Variants in CAMKMT observed in about 807,000 individuals in gnomAD.
The protein encoded by CAMKMT is calmodulin-lysine N-methyltransferase, also known as CaM KMT.
A neutral mutation model predicts 48.0 loss-of-function variants in CAMKMT; 53 were observed. The observed-to-expected ratio is 1.10, with a 90% CI of 0.89 to 1.39. The LOEUF is 1.39. Among genes scored for constraint, CAMKMT ranks in the 40% most tolerant of loss-of-function variants. The probability of loss-of-function intolerance (pLI) is 0.00; values close to 1 mark genes in which losing one functional copy is unlikely to be tolerated. For missense variants in CAMKMT, 428 were observed against 402.7 expected, an observed-to-expected ratio of 1.06 and a Z score of -0.54; for synonymous variants, 165 against 152.3, an observed-to-expected ratio of 1.08 and a Z score of -0.61.
chr2:44,402,481 A>C (rs1017139636), intron 3 of CAMKMT, among the ~76,000 whole-genome samples: 1 of 151,908 alleles, frequency 6.6e-6, no homozygotes, highest in African/African-American at 2.4e-5. Context: ...TGTTGATTGA[A>C]TCTTCTGTTA....
intron 3 of CAMKMT, among the ~76,000 whole-genome samples, chr2:44,609,866 G>A (rs1671503344): frequency 6.6e-6 from 1 of 152,134 alleles, no homozygotes; most frequent in Non-Finnish European, 1.5e-5. Context: ...GCTACTGATG[G>A]AATTACAAAA....
chr2:44,612,622 A>C lies in CAMKMT; in HGVS notation c.377-91661A>C, dbSNP rs868135488. On this transcript the variant is annotated intron_variant, in intron 3 of 10. Coordinates refer to ENST00000378494, the MANE Select transcript of CAMKMT (RefSeq NM_024766.5). ...CAATACTTTATTAGTTCCTATCATT[A>C]AAAGGTCCATGAATAGAAAATGGCT... is the stretch of plus-strand genomic sequence containing the variant. Among the ~76,000 whole-genome samples, 6 of 152,184 alleles carry C rather than the reference A, an allele frequency of 3.9e-5. No individual in the cohort carries two copies. In the South Asian group the frequency reaches 1.2e-3, roughly 32 times the overall value.
chr2:44,588,811 C>A (rs1489031796), intron 3 of CAMKMT, among the ~76,000 whole-genome samples: 1 of 39,028 alleles, frequency 2.6e-5, no homozygotes, highest in Non-Finnish European at 5.4e-5. Context: ...CCGCCCCGTC[C>A]GGGAGGGAGG....
At chr2:44,568,464 C>T (rs544415177) in intron 3 of CAMKMT, among the ~76,000 whole-genome samples, 2 of 152,272 alleles carry the variant, frequency 1.3e-5, no homozygotes, top group East Asian at 3.9e-4. Context: ...CAGCAAACAT[C>T]ATGTCCATGC....
intron 3 of CAMKMT, among the ~76,000 whole-genome samples, chr2:44,641,138 G>A (rs1443030204): frequency 6.6e-6 from 1 of 152,104 alleles, no homozygotes; most frequent in African/African-American, 2.4e-5. Context: ...AATCTTTCAA[G>A]TAATGGTATA....
intron 2 of CAMKMT, among the ~76,000 whole-genome samples, chr2:44,377,350 T>TTAA (rs1485626164): frequency 2.0e-5 from 3 of 152,198 alleles, no homozygotes; most frequent in Non-Finnish European, 4.4e-5. Flanking sequence ...AGGCTCTTGT[T>TTAA]ATTAGATAGA....
intron 3 of CAMKMT, among the ~76,000 whole-genome samples, chr2:44,467,464 A>G (rs1668179026): frequency 6.6e-6 from 1 of 151,474 alleles, no homozygotes; most frequent in Admixed American, 6.6e-5. Flanking sequence ...CATGGGAGGC[A>G]GAGGTTGTAG....
intron 3 of CAMKMT, among the ~76,000 whole-genome samples, chr2:44,633,762 G>C (rs143182811): frequency 6.6e-6 from 1 of 151,752 alleles, no homozygotes; most frequent in Non-Finnish European, 1.5e-5. Flanking sequence ...ATTTTCTTGA[G>C]TTTCTTTTAT....
intron 7 of CAMKMT, among the ~76,000 whole-genome samples, chr2:44,740,489 G>A (rs1283625955): frequency 6.6e-6 from 1 of 152,184 alleles, no homozygotes; most frequent in Non-Finnish European, 1.5e-5. Flanking sequence ...AAGTGAGGAG[G>A]AGGGGAATAG....
At chr2:44,397,372 A>G (rs1006010745) in intron 3 of CAMKMT, among the ~76,000 whole-genome samples, 2 of 152,230 alleles carry the variant, frequency 1.3e-5, no homozygotes, top group African/African-American at 4.8e-5. Flanking sequence ...CTGAGAGTAT[A>G]GGGGACCTGA....
chr2:44,610,762 T>C (rs1572913863), intron 3 of CAMKMT, among the ~76,000 whole-genome samples: 1 of 152,158 alleles, frequency 6.6e-6, no homozygotes, highest in African/African-American at 2.4e-5. Flanking sequence ...ATAGAACTCT[T>C]CTCCTGAAAA....
chr2:44,419,948 C>T (rs1408536655), intron 3 of CAMKMT, among the ~76,000 whole-genome samples: 2 of 152,034 alleles, frequency 1.3e-5, no homozygotes, highest in African/African-American at 4.8e-5. Context: ...TCATTAGACA[C>T]AATAGATGAT....
chr2:44,429,807 C>CAAAAAA (rs1168195679), intron 3 of CAMKMT, among the ~76,000 whole-genome samples: 7 of 64,742 alleles, frequency 1.1e-4, no homozygotes, highest in Admixed American at 4.5e-4. Context: ...GACTCCGTCT[C>CAAAAAA]AAAAAAAAAA....
chr2:44,460,808 C>T (rs1457451223), intron 3 of CAMKMT, among the ~76,000 whole-genome samples: 2 of 150,756 alleles, frequency 1.3e-5, no homozygotes, highest in African/African-American at 2.5e-5. Context: ...CTGCAACCTC[C>T]ACTTCCCAGG....
chr2:44,731,852 G>C (rs577855988), intron 7 of CAMKMT, among the ~76,000 whole-genome samples: 1 of 152,180 alleles, frequency 6.6e-6, no homozygotes, highest in Non-Finnish European at 1.5e-5. Context: ...CCTTGCGTTT[G>C]AACTCAGAGC....
chr2:44,684,429 G>C (rs80044756), intron 3 of CAMKMT, among the ~76,000 whole-genome samples: 3,425 of 151,944 alleles, frequency 0.023, 62 homozygotes, highest in Non-Finnish European at 0.033. Context: ...GTGATTCTAA[G>C]AGAAAACAAT....
intron 3 of CAMKMT, among the ~76,000 whole-genome samples, chr2:44,602,578 G>A (rs769952134): frequency 1.6e-4 from 24 of 152,104 alleles, no homozygotes; most frequent in Non-Finnish European, 2.9e-4. Context: ...AGATTTAATT[G>A]ACTCACAGTT....
At chr2:44,748,031 G>A (rs555130013) in intron 8 of CAMKMT, among the ~76,000 whole-genome samples, 1 of 152,260 alleles carries the variant, frequency 6.6e-6, no homozygotes, top group African/African-American at 2.4e-5. Flanking sequence ...AGCTACTGCT[G>A]TTCTCTCAGC....
At position 44,444,782 on chromosome 2, in the gene CAMKMT, C is replaced by T. The variant is rs140170238; in HGVS notation, c.376+54477C>T. 2.1e-3 allele frequency among the ~76,000 whole-genome samples: 317 copies of T among 152,230 alleles called. 2 individuals carry two copies. The highest frequency in any genetic ancestry group is 7.4e-3 in the African/African-American group (307 of 41,536). On this transcript the variant is annotated intron_variant, in intron 3 of 10. Coordinates refer to ENST00000378494, the MANE Select transcript of CAMKMT (RefSeq NM_024766.5). ...GGGAAGTAAGAGCATGGGAGCTAACCAACACCAAGCACCATGTACCCAAAT... is the reference window on the plus strand; with the variant it reads ...GGGAAGTAAGAGCATGGGAGCTAACTAACACCAAGCACCATGTACCCAAAT...
Sources: gnomAD v4.1 joint callset for allele counts (sites outside exome capture counted in the v4.1 genomes callset) on GRCh38, gnomAD v4.1.1 for gene constraint, MANE v1.5 for transcripts, NCBI Gene and HGNC (gene_info 2026-07-23, HGNC 2026-07-21) for gene names.